The following FBN1 variants were observed in gnomAD, a reference collection of about 807,000 sequenced individuals.
FBN1 encodes the protein fibrillin-1.
FBN1 carries 29 observed loss-of-function variants against 365.1 expected under a neutral mutation model. That is an observed-to-expected ratio of 0.08 (90% CI 0.06 to 0.11). FBN1 has a LOEUF of 0.11. Ranked by LOEUF, FBN1 falls within the 10% of genes least tolerant of loss-of-function variation. The pLI is 1.00. For missense variants in FBN1, 2,476 were observed against 3,703.2 expected, an observed-to-expected ratio of 0.67 and a Z score of 8.60; for synonymous variants, 1,210 against 1,270.5, an observed-to-expected ratio of 0.95 and a Z score of 1.01.
At chr15:48,515,310 C>A in intron 12 of FBN1, 77 bp downstream of exon 12, 9 of 1,547,182 alleles carry the variant, frequency 5.8e-6, no homozygotes, top group African/African-American at 1.4e-5. Context: ...GTTGTTACAG[C>A]AGCAATAGAA....
intron 57 of FBN1, 140 bp downstream of exon 57, chr15:48,428,206 T>C: frequency 9.2e-7 from 1 of 1,085,520 alleles, no homozygotes; most frequent in Non-Finnish European, 1.4e-6. Flanking sequence ...TCACAGTCAT[T>C]ACGGCATCTC....
Position 48,472,566 on chromosome 15 carries a change from C to G in FBN1, c.4321G>C (p.Gly1441Arg). The stretch of plus-strand genomic sequence containing the variant: ...CATCAGTTACCTTCACAGGCTTTCC[C>G]GTCAGCACTGGGCACGAAGCCCATG... ...CDMGFVPSAD[G>R]KACEDIDECS... Residue 1441 changes from glycine (G) to arginine (R), a missense_variant, in exon 35 of 66, where the codon GGG becomes CGG. Gly to Arg is a moderately radical substitution (Grantham distance 125). This residue lies in a region of FBN1 where 1,780 missense variants were observed against 2,840.8 expected (regional missense o/e 0.63). Transcript: ENST00000316623. 1 of 1,614,076 alleles carries G rather than the reference C, an allele frequency of 6.2e-7. No individual in the cohort carries two copies. The highest frequency in any genetic ancestry group is 8.5e-7 in the Non-Finnish European group (1 of 1,179,986).
chr15:48,453,990 C>A (rs1397768641), intron 44 of FBN1, among the ~76,000 whole-genome samples: 1 of 152,146 alleles, frequency 6.6e-6, no homozygotes, highest in Non-Finnish European at 1.5e-5. Context: ...CTGCTAGGGC[C>A]AGCACTTGAC....
chr15:48,424,493 TGATATTTAGTTATA>T (rs763740497), intron 60 of FBN1, among the ~76,000 whole-genome samples: 8 of 152,238 alleles, frequency 5.3e-5, no homozygotes, highest in Non-Finnish European at 8.8e-5. Flanking sequence ...ATCATTCATT[TGATATTTAGTTATA>T]TATACCAAGT....
chr15:48,513,817 A>T (rs766816903), intron 12 of FBN1, 149 bp from the exon 13 acceptor site: 6 of 890,466 alleles, frequency 6.7e-6, no homozygotes, highest in Non-Finnish European at 1.1e-5. Context: ...CCACTACAAT[A>T]TGTCATTAGC....
chr15:48,450,573 A>G (rs1053093230), intron 45 of FBN1, among the ~76,000 whole-genome samples: 1 of 152,196 alleles, frequency 6.6e-6, no homozygotes, highest in Admixed American at 6.5e-5. Flanking sequence ...GGAAACCACA[A>G]GGAAGTAGCT....
chr15:48,626,442 T>G (rs889553890), intron 2 of FBN1, among the ~76,000 whole-genome samples: 1 of 152,132 alleles, frequency 6.6e-6, no homozygotes, highest in Non-Finnish European at 1.5e-5. Flanking sequence ...TTAGAAACAT[T>G]TATAGCTACA....
intron 56 of FBN1, among the ~76,000 whole-genome samples, chr15:48,430,406 T>G (rs1277201627): frequency 6.6e-6 from 1 of 152,028 alleles, no homozygotes; most frequent in African/African-American, 2.4e-5. Flanking sequence ...AGGAGGAGAA[T>G]AGAGAAAAGG....
chr15:48,452,466 C>T (rs533810141), intron 45 of FBN1, 96 bp downstream of exon 45: 2 of 1,421,006 alleles, frequency 1.4e-6, no homozygotes, highest in Admixed American at 1.7e-5. Context: ...CTCATATATT[C>T]TTCAGCTTAA....
chr15:48,542,103 T>C (rs948462874), intron 6 of FBN1, among the ~76,000 whole-genome samples: 4 of 152,198 alleles, frequency 2.6e-5, no homozygotes, highest in Non-Finnish European at 2.9e-5. Flanking sequence ...CTGACCAACA[T>C]GTGTCTGCAG....
chr15:48,517,742 TC>T (rs1213752682), intron 10 of FBN1, among the ~76,000 whole-genome samples: 3 of 152,226 alleles, frequency 2.0e-5, no homozygotes, highest in Admixed American at 6.5e-5. Flanking sequence ...TTCATTTTTT[TC>T]CTCTTTTGCT....
At chr15:48,427,897 G>T in intron 57 of FBN1, 124 bp from the exon 58 acceptor site, 1 of 825,568 alleles carries the variant, frequency 1.2e-6, no homozygotes, top group Non-Finnish European at 2.0e-6. Flanking sequence ...GTGAGAAGAA[G>T]CAAGAGGGGA....
At chr15:48,506,650 T>A (rs1458719519) in intron 15 of FBN1, among the ~76,000 whole-genome samples, 1 of 152,210 alleles carries the variant, frequency 6.6e-6, no homozygotes, top group Non-Finnish European at 1.5e-5. Context: ...GAAGCCATGT[T>A]GTTGATCAGA....
At position 48,474,367 on chromosome 15, in the gene FBN1, T is replaced by C; in HGVS notation, c.4098A>G (p.Glu1366=). Residue 1366 remains glutamate (E), a synonymous_variant, in exon 34 of 66, where the codon GAA becomes GAG. Transcript: ENST00000316623. The part of the protein sequence containing the change: ...GDGIKCTDLD[E]CSNGTHMCSQ... Reference sequence around the variant, plus strand: ...TGCACATATGGGTTCCATTGGAACATTCGTCCAGATCTTATAGAAAAAGGT... The same window carrying C: ...TGCACATATGGGTTCCATTGGAACACTCGTCCAGATCTTATAGAAAAAGGT... 1 of 1,614,132 alleles carries C rather than the reference T, an allele frequency of 6.2e-7. No individual in the cohort carries two copies. The highest frequency in any genetic ancestry group is 8.5e-7 in the Non-Finnish European group (1 of 1,179,996).
chr15:48,486,153 G>A (rs1365014670), intron 29 of FBN1, among the ~76,000 whole-genome samples: 1 of 152,204 alleles, frequency 6.6e-6, no homozygotes, highest in African/African-American at 2.4e-5. Flanking sequence ...GGTGCTAGGA[G>A]AACACATCTC....
chr15:48,556,115 T>C (rs1320303212), intron 6 of FBN1, among the ~76,000 whole-genome samples: 2 of 152,172 alleles, frequency 1.3e-5, no homozygotes, highest in Non-Finnish European at 2.9e-5. Flanking sequence ...TTTTTTACCC[T>C]CATAGATCAC....
intron 6 of FBN1, among the ~76,000 whole-genome samples, chr15:48,586,450 T>C: frequency 6.6e-6 from 1 of 152,156 alleles, no homozygotes; most frequent in East Asian, 1.9e-4. Context: ...AAGGGAGCTC[T>C]AGCTCTAAGA....
chr15:48,607,701 C>G (rs2044625310), intron 4 of FBN1, among the ~76,000 whole-genome samples: 1 of 152,174 alleles, frequency 6.6e-6, no homozygotes, highest in South Asian at 2.1e-4. Flanking sequence ...TTATAAATGA[C>G]CCAGTCTACA....
At chr15:48,511,954 T>C (rs941775719) in intron 13 of FBN1, among the ~76,000 whole-genome samples, 4 of 152,218 alleles carry the variant, frequency 2.6e-5, no homozygotes, top group East Asian at 1.9e-4. Flanking sequence ...ATGCCTAGTA[T>C]GCTATTTGTA....
Sources: gnomAD v4.1 joint callset for allele counts (sites outside exome capture counted in the v4.1 genomes callset) on GRCh38, gnomAD v4.1.1 for gene constraint, gnomAD v4.1.1 regional missense constraint, MANE v1.5 for transcripts, NCBI Gene and HGNC (gene_info 2026-07-23, HGNC 2026-07-21) for gene names.